Variants in COL5A2 observed in about 807,000 individuals in gnomAD.
The protein encoded by COL5A2 is collagen alpha-2(V) chain.
In COL5A2, 23 loss-of-function variants were observed where a neutral mutation model predicts 208.2. That is an observed-to-expected ratio of 0.11 (90% CI 0.08 to 0.16). The LOEUF (loss-of-function observed/expected upper bound fraction) is 0.16. Among genes scored for constraint, COL5A2 ranks in the 10% least tolerant of loss-of-function variants. The probability of loss-of-function intolerance (pLI) is 1.00; values close to 1 mark genes in which losing one functional copy is unlikely to be tolerated. For missense variants in COL5A2, 1,590 were observed against 1,956.4 expected (o/e 0.81, Z 3.53); for synonymous variants, 625 against 628.5 (o/e 0.99, Z 0.08).
intron 1 of COL5A2, among the ~76,000 whole-genome samples, chr2:189,193,835 A>G (rs1461581734): frequency 6.6e-6 from 1 of 152,158 alleles, no homozygotes; most frequent in African/African-American, 2.4e-5. Flanking sequence ...AGATCTTTTC[A>G]TATACTTTAA....
the COL5A2 span, among the ~76,000 whole-genome samples, chr2:189,236,488 T>C: frequency 6.6e-6 from 1 of 151,990 alleles, no homozygotes; most frequent in South Asian, 2.1e-4. Flanking sequence ...CTCCTATCAA[T>C]AATTGATGAG....
chr2:189,281,391 A>G, the COL5A2 span, among the ~76,000 whole-genome samples: 1 of 152,150 alleles, frequency 6.6e-6, no homozygotes, highest in African/African-American at 2.4e-5. Flanking sequence ...TTAGGAGAGA[A>G]CCATGGCTGT....
intron 20 of COL5A2, 30 bp from the exon 21 acceptor site, chr2:189,068,143 TA>T: frequency 6.2e-7 from 1 of 1,605,190 alleles, no homozygotes; most frequent in South Asian, 1.1e-5. Flanking sequence ...ATGTGGTAAG[TA>T]GAGACACAGG....
At chr2:189,216,925 C>T (rs1044651686) in intron 1 of COL5A2, among the ~76,000 whole-genome samples, 1 of 151,984 alleles carries the variant, frequency 6.6e-6, no homozygotes, top group Non-Finnish European at 1.5e-5. Flanking sequence ...CTTCACTGAG[C>T]AGTGAGGGAC....
At chr2:189,216,362 C>T (rs1280505225) in intron 1 of COL5A2, among the ~76,000 whole-genome samples, 3 of 152,038 alleles carry the variant, frequency 2.0e-5, no homozygotes, top group African/African-American at 7.2e-5. Context: ...CCACTAATCT[C>T]TACTGGCTGC....
chr2:189,063,893 A>G, intron 26 of COL5A2, 87 bp downstream of exon 26: 4 of 1,088,050 alleles, frequency 3.7e-6, no homozygotes, highest in Non-Finnish European at 5.5e-6. Flanking sequence ...CCATATAATC[A>G]AAAACATTAA....
the COL5A2 span, among the ~76,000 whole-genome samples, chr2:189,372,382 G>C: frequency 6.6e-6 from 1 of 152,080 alleles, no homozygotes; most frequent in Non-Finnish European, 1.5e-5. Context: ...AGAACATTTA[G>C]TATTAGTTCC....
chr2:189,255,398 CA>C, the COL5A2 span, among the ~76,000 whole-genome samples: 3 of 152,062 alleles, frequency 2.0e-5, no homozygotes, highest in Non-Finnish European at 4.4e-5. Flanking sequence ...TGCTTTTCTC[CA>C]TCCAAATGGC....
chr2:189,279,464 T>C, the COL5A2 span, among the ~76,000 whole-genome samples: 1 of 150,636 alleles, frequency 6.6e-6, no homozygotes, highest in Non-Finnish European at 1.5e-5. Context: ...TAGATAGTTA[T>C]AGATATTGAT....
At chr2:189,127,170 G>C (rs1687622705) in intron 1 of COL5A2, among the ~76,000 whole-genome samples, 1 of 152,016 alleles carries the variant, frequency 6.6e-6, no homozygotes, top group South Asian at 2.1e-4. Context: ...ATTCAATACA[G>C]TTAAAAGGCA....
the COL5A2 span, among the ~76,000 whole-genome samples, chr2:189,284,382 T>C: frequency 2.6e-5 from 4 of 152,100 alleles, no homozygotes; most frequent in African/African-American, 7.2e-5. Flanking sequence ...CCTCAGGCTA[T>C]ATAGGAAGCA....
chr2:189,438,791 T>C, the COL5A2 span, among the ~76,000 whole-genome samples: 1 of 152,238 alleles, frequency 6.6e-6, no homozygotes, highest in African/African-American at 2.4e-5. Context: ...GCAGATTTTA[T>C]TGTATGTAAA....
the COL5A2 span, among the ~76,000 whole-genome samples, chr2:189,352,654 T>G: frequency 6.6e-6 from 1 of 152,348 alleles, no homozygotes. Flanking sequence ...TGCTTTTTTC[T>G]TGTAAATGTG....
the COL5A2 span, among the ~76,000 whole-genome samples, chr2:189,324,115 C>A: frequency 6.6e-6 from 1 of 152,138 alleles, no homozygotes; most frequent in African/African-American, 2.4e-5. Flanking sequence ...AACTGGCTAG[C>A]CATAAGTAGA....
chr2:189,437,919 T>C, the COL5A2 span, among the ~76,000 whole-genome samples: 1 of 152,076 alleles, frequency 6.6e-6, no homozygotes. Flanking sequence ...GAAACATACA[T>C]GAAGATACTA....
At chr2:189,213,373 G>T (rs1689239977) in intron 1 of COL5A2, among the ~76,000 whole-genome samples, 1 of 152,116 alleles carries the variant, frequency 6.6e-6, no homozygotes, top group South Asian at 2.1e-4. Flanking sequence ...ATACAGAGAA[G>T]AATAATATTC....
At chr2:189,116,201 G>A (rs569883849) in intron 1 of COL5A2, among the ~76,000 whole-genome samples, 4 of 152,298 alleles carry the variant, frequency 2.6e-5, no homozygotes, top group African/African-American at 9.6e-5. Context: ...AGTGGAGAGA[G>A]AATGCCTTGT....
At chr2:189,170,246 G>C (rs564969005) in intron 1 of COL5A2, among the ~76,000 whole-genome samples, 1 of 152,070 alleles carries the variant, frequency 6.6e-6, no homozygotes, top group Non-Finnish European at 1.5e-5. Flanking sequence ...ATTTGAATTC[G>C]GATCACTCAT....
intron 1 of COL5A2, among the ~76,000 whole-genome samples, chr2:189,171,220 C>T (rs984993684): frequency 6.6e-6 from 1 of 152,026 alleles, no homozygotes; most frequent in Admixed American, 6.6e-5. Flanking sequence ...CAGAAATGGG[C>T]TAGATCAGCA....
Sources: allele counts gnomAD v4.1 joint callset (sites outside exome capture counted in the v4.1 genomes callset), GRCh38; gene constraint gnomAD v4.1.1; transcripts MANE v1.5; gene names NCBI Gene and HGNC (gene_info 2026-07-23, HGNC 2026-07-21).